Variants in PRUNE2 observed in about 807,000 individuals in gnomAD.
PRUNE2 encodes protein prune homolog 2.
Under a neutral mutation model 252.0 loss-of-function variants are expected in PRUNE2, and 164 were observed. The observed-to-expected ratio is 0.65, with a 90% CI of 0.57 to 0.74. The LOEUF is 0.74. Ranked by LOEUF, PRUNE2 falls within the 30% of genes least tolerant of loss-of-function variation. The pLI is 0.00. For missense variants in PRUNE2, 3,495 were observed against 3,711.0 expected (o/e 0.94, Z 1.51); for synonymous variants, 1,292 against 1,350.2 (o/e 0.96, Z 0.94).
intron 6 of PRUNE2, among the ~76,000 whole-genome samples, chr9:76,751,337 C>A (rs1342444358): frequency 6.6e-6 from 1 of 152,028 alleles, no homozygotes; most frequent in Non-Finnish European, 1.5e-5. Context: ...AATGAAGTTA[C>A]TGAAATTTAG....
At chr9:76,849,775 G>A (rs1261384076) in intron 3 of PRUNE2, among the ~76,000 whole-genome samples, 25 of 152,178 alleles carry the variant, frequency 1.6e-4, no homozygotes, top group Middle Eastern at 3.4e-3. Flanking sequence ...GCAGTGAGCC[G>A]AGATGGAGCC....
chr9:76,719,439 T>A (rs2047431516), intron 6 of PRUNE2, among the ~76,000 whole-genome samples: 1 of 152,148 alleles, frequency 6.6e-6, no homozygotes, highest in Non-Finnish European at 1.5e-5. Flanking sequence ...TCTTTTCTTA[T>A]TATTGGTAAA....
intron 6 of PRUNE2, among the ~76,000 whole-genome samples, chr9:76,821,111 T>C (rs1206237372): frequency 1.3e-5 from 2 of 152,256 alleles, no homozygotes; most frequent in East Asian, 3.9e-4. Flanking sequence ...AAGTCCTAAG[T>C]TGGTCACCTA....
intron 1 of PRUNE2, among the ~76,000 whole-genome samples, chr9:76,882,261 C>T (rs2061833654): frequency 6.6e-6 from 1 of 152,028 alleles, no homozygotes; most frequent in South Asian, 2.1e-4. Context: ...GGCAACTCCC[C>T]CAAATACTAA....
intron 6 of PRUNE2, among the ~76,000 whole-genome samples, chr9:76,774,065 G>C (rs528303741): frequency 6.6e-6 from 1 of 152,228 alleles, no homozygotes; most frequent in South Asian, 2.1e-4. Context: ...ATAATAATTA[G>C]ATTATTTACT....
intron 4 of PRUNE2, among the ~76,000 whole-genome samples, chr9:76,834,999 C>T (rs1412311018): frequency 2.0e-5 from 3 of 152,138 alleles, no homozygotes; most frequent in Admixed American, 2.0e-4. Flanking sequence ...GGACGTACCC[C>T]AAAGTATCTT....
chr9:76,903,140 G>A (rs2063280009), intron 1 of PRUNE2, among the ~76,000 whole-genome samples: 1 of 152,228 alleles, frequency 6.6e-6, no homozygotes, highest in Middle Eastern at 3.4e-3. Flanking sequence ...AATAATAAAT[G>A]TTCCCAGTCA....
intron 1 of PRUNE2, among the ~76,000 whole-genome samples, chr9:76,896,530 C>T (rs2062833745): frequency 1.3e-5 from 2 of 152,192 alleles, no homozygotes; most frequent in African/African-American, 4.8e-5. Context: ...GAAGGATGTT[C>T]ATACTTGCTT....
At chr9:76,668,904 A>C (rs2040754829) in intron 9 of PRUNE2, among the ~76,000 whole-genome samples, 1 of 150,248 alleles carries the variant, frequency 6.7e-6, no homozygotes, top group Non-Finnish European at 1.5e-5. Flanking sequence ...GTCTGAGATC[A>C]AGATGTCATC....
In PRUNE2 at chr9:76,703,413, T is replaced by C; in HGVS notation, c.8200A>G (p.Asn2734Asp). Residue 2734 changes from asparagine (N) to aspartate (D), a missense_variant, in exon 9 of 19, where the codon AAC (asparagine) becomes GAC (aspartate). Physicochemically the swap from Asn to Asp is conservative, Grantham distance 23 (BLOSUM62 1). Transcript: ENST00000376718. ...EMLSPQPVQK[N>D]MIPDTEMEEE... ...TCCATTTCCGTGTCAGGGATCATGT[T>C]TTTCTGAACAGGCTGTGGTGAAAGC... The C allele has an allele frequency of 6.2e-7, 1 of 1,613,738 alleles. No individual in the cohort carries two copies.
At chr9:76,767,995 G>C (rs1048248395) in intron 6 of PRUNE2, among the ~76,000 whole-genome samples, 28 of 152,054 alleles carry the variant, frequency 1.8e-4, no homozygotes, top group African/African-American at 6.8e-4. Flanking sequence ...TTCTTTCTTC[G>C]ATGATTTGGA....
chr9:76,889,306 A>AC (rs1247610853), intron 1 of PRUNE2, among the ~76,000 whole-genome samples: 3 of 150,972 alleles, frequency 2.0e-5, no homozygotes, highest in African/African-American at 7.3e-5. Context: ...GGTCATTAGA[A>AC]CCCATGGCTC....
intron 6 of PRUNE2, among the ~76,000 whole-genome samples, chr9:76,789,124 A>C (rs769903045): frequency 2.6e-5 from 4 of 152,200 alleles, no homozygotes; most frequent in Non-Finnish European, 5.9e-5. Context: ...TTGCATGCAC[A>C]GCTTCAAGAC....
At chr9:76,622,585 G>GA (rs1271210650) in intron 17 of PRUNE2, among the ~76,000 whole-genome samples, 24 of 152,022 alleles carry the variant, frequency 1.6e-4, no homozygotes, top group Non-Finnish European at 7.4e-5. Context: ...AAAGAAAACT[G>GA]AAAAAATCTG....
chr9:76,733,927 T>G (rs984890384), intron 6 of PRUNE2, among the ~76,000 whole-genome samples: 2 of 123,936 alleles, frequency 1.6e-5, no homozygotes, highest in African/African-American at 2.7e-5. Flanking sequence ...TTTTAGTTGT[T>G]TTTTTTTTTT....
chr9:76,725,548 G>GT (rs925289115), intron 6 of PRUNE2, among the ~76,000 whole-genome samples: 2 of 151,386 alleles, frequency 1.3e-5, no homozygotes, highest in Non-Finnish European at 2.9e-5. Context: ...AAAGTAATTA[G>GT]TTTTTTTTGA....
intron 12 of PRUNE2, among the ~76,000 whole-genome samples, chr9:76,640,764 C>T (rs921732475): frequency 3.3e-5 from 5 of 152,184 alleles, no homozygotes; most frequent in African/African-American, 1.2e-4. Context: ...AATCCTCATA[C>T]CGCACAGATA....
At chr9:76,762,945 C>G (rs1180247089) in intron 6 of PRUNE2, among the ~76,000 whole-genome samples, 1 of 152,178 alleles carries the variant, frequency 6.6e-6, no homozygotes, top group Non-Finnish European at 1.5e-5. Context: ...GACAAAATAG[C>G]TTCCTTCACT....
At chr9:76,625,149 G>T in intron 16 of PRUNE2, 1 of 818,228 alleles carries the variant, frequency 1.2e-6, no homozygotes, top group Non-Finnish European at 1.8e-6. Flanking sequence ...GTCAAATCAT[G>T]AGAGAAAATG....
Sources: allele counts gnomAD v4.1 joint callset (sites outside exome capture counted in the v4.1 genomes callset), GRCh38; gene constraint gnomAD v4.1.1; transcripts MANE v1.5; gene names NCBI Gene and HGNC (gene_info 2026-07-23, HGNC 2026-07-21).